The following PKD1L3 variants were observed in gnomAD, a reference collection of about 807,000 sequenced individuals.
PKD1L3 encodes polycystin 1 like 3, transient receptor potential channel interacting, also known as polycystin-1-like protein 3.
In PKD1L3, 239 loss-of-function variants were observed where a neutral mutation model predicts 184.1. The ratio of observed to expected loss-of-function variants is 1.30; its 90% confidence interval spans 1.17 to 1.45. The LOEUF is 1.45. Ranked by LOEUF, PKD1L3 falls within the 40% of genes most tolerant of loss-of-function variation. PKD1L3 has a pLI of 0.00. For missense variants in PKD1L3, 2,660 were observed against 2,067.2 expected (o/e 1.29, Z -5.56); for synonymous variants, 996 against 778.8 (o/e 1.28, Z -4.64).
In PKD1L3 at chr16:71,930,183, C is replaced by G; in HGVS notation, c.4927G>C (p.Val1643Leu). The G allele has an allele frequency of 6.5e-7, 1 of 1,538,734 alleles. No individual in the cohort carries two copies. Among genetic ancestry groups the G allele is most frequent in the Admixed American group, 2.1e-5 (1 of 46,848 alleles). Residue 1643 changes from valine to leucine, a missense_variant and splice_region_variant, in exon 29 of 30, where the codon GTT (valine) becomes CTT (leucine). By Grantham distance (32) the Val-to-Leu change is conservative (BLOSUM62 1). Coordinates refer to ENST00000620267, the MANE Select transcript of PKD1L3 (RefSeq NM_181536.2). ...LLMGISHQEE[V>L]FALDPVLGTF... is the part of the protein sequence containing the mutation. ...CCCAGGACTGGGTCTAAAGCGAAAA[C>G]CTGGGAAAACAATAAGAACACTTGC...
intron 25 of PKD1L3, among the ~76,000 whole-genome samples, chr16:71,936,333 G>C (rs2038175131): frequency 6.6e-6 from 1 of 150,704 alleles, no homozygotes. Flanking sequence ...CTCCCGAGTA[G>C]CTGGGACTAT....
chr16:71,948,976 A>G (rs1396552643), intron 21 of PKD1L3, among the ~76,000 whole-genome samples: 2 of 152,032 alleles, frequency 1.3e-5, no homozygotes, highest in African/African-American at 4.8e-5. Context: ...TATCTAAAAG[A>G]TACAGAACAG....
intron 28 of PKD1L3, among the ~76,000 whole-genome samples, chr16:71,932,503 TCA>T (rs1376744074): frequency 3.9e-5 from 6 of 152,092 alleles, no homozygotes; most frequent in African/African-American, 1.4e-4. Context: ...TGAGACAGTT[TCA>T]CTGTCTTGCC....
intron 22 of PKD1L3, among the ~76,000 whole-genome samples, chr16:71,945,634 T>C (rs569980566): frequency 2.0e-5 from 3 of 151,658 alleles, no homozygotes; most frequent in Non-Finnish European, 2.9e-5. Flanking sequence ...GCCGAGATTG[T>C]GCCACTGCAC....
chr16:71,991,185 C>T, intron 3 of PKD1L3: 1 of 206,230 alleles, frequency 4.8e-6, no homozygotes, highest in South Asian at 9.2e-5. Flanking sequence ...CCAGTGTCTC[C>T]TCTTGGAGTT....
At chr16:71,936,522 T>C (rs111505494) in intron 25 of PKD1L3, among the ~76,000 whole-genome samples, 20,136 of 144,880 alleles carry the variant, frequency 0.14, 1,685 homozygotes, top group South Asian at 0.38. Context: ...TTTTTTTCTT[T>C]TTTTTTTTTT....
At chr16:71,934,269 G>C (rs2143129013) in intron 26 of PKD1L3, 144 bp from the exon 27 acceptor site, 1 of 724,018 alleles carries the variant, frequency 1.4e-6, no homozygotes, top group East Asian at 2.7e-5. Flanking sequence ...TTCTATTGTG[G>C]CCTCCTGTGA....
At chr16:71,933,580 G>A in intron 27 of PKD1L3, 59 bp from the exon 28 acceptor site, 1 of 1,269,854 alleles carries the variant, frequency 7.9e-7, no homozygotes, top group Non-Finnish European at 1.1e-6. Flanking sequence ...TCTATCCTGA[G>A]GTGCTTGGGG....
At chr16:71,979,462 A>AAAAC (rs1419606789) in intron 9 of PKD1L3, among the ~76,000 whole-genome samples, 1 of 144,834 alleles carries the variant, frequency 6.9e-6, no homozygotes, top group Non-Finnish European at 1.5e-5. Context: ...AAAACAAAAC[A>AAAAC]AAACAAGACA....
At chr16:71,932,805 T>TA (rs1555512581) in intron 28 of PKD1L3, among the ~76,000 whole-genome samples, 14 of 119,802 alleles carry the variant, frequency 1.2e-4, no homozygotes, top group African/African-American at 1.9e-4. Flanking sequence ...TTTTTTTTTT[T>TA]AATTTAAATA....
intron 12 of PKD1L3, 34 bp downstream of exon 12, chr16:71,973,290 G>A: frequency 3.2e-6 from 5 of 1,544,466 alleles, no homozygotes; most frequent in Non-Finnish European, 4.4e-6. Context: ...AGCTATGGCA[G>A]AAGAGAGGCC....
Position 71,976,264 on chromosome 16 carries a change from CTTTTT to C in PKD1L3, c.1759+967_1759+971del, listed in dbSNP as rs71153688. On this transcript the variant is annotated intron_variant, in intron 11 of 29. Coordinates refer to ENST00000620267, the MANE Select transcript of PKD1L3 (RefSeq NM_181536.2). The stretch of plus-strand genomic sequence containing the variant: ...ATGAGCCACTGAGTGCCCAGCCTGT[CTTTTT>C]TTTTTTTTTTTAAGACAGTCTTGCT... Among the ~76,000 whole-genome samples the C allele has an allele frequency of 6.1e-5, 5 of 81,768 alleles. No individual in the cohort carries two copies. The South Asian group carries it at 2.8e-3, about 45-fold the overall frequency. 53.6% of individuals were successfully genotyped at this position (81,768 alleles called of 152,430 possible). A position where few individuals can be genotyped will look rare whatever the true frequency, so the allele number is the denominator to read the frequency against.
rs551127958 is a variant in PKD1L3, at chr16:71,966,638, C to T, written c.2465+499G>A. ...GTAGAGGTGGGGTCTTCCTATGTAG[C>T]TCAGGCTGTTCTCAAACTCCTGGCC... On this transcript the variant is annotated intron_variant, in intron 15 of 29. Coordinates refer to ENST00000620267, the MANE Select transcript of PKD1L3 (RefSeq NM_181536.2). 1.6e-3 allele frequency among the ~76,000 whole-genome samples: 243 copies of T among 151,998 alleles called. 1 individual carries two copies. The highest frequency in any genetic ancestry group is 6.8e-3 in the Middle Eastern group (2 of 294).
chr16:71,959,569 G>C (rs8051202), intron 16 of PKD1L3, among the ~76,000 whole-genome samples: 8,019 of 152,200 alleles, frequency 0.053, 673 homozygotes, highest in African/African-American at 0.18. Context: ...TAACACTAGA[G>C]AGTAATTTAA....
At position 71,944,172 on chromosome 16, in the gene PKD1L3, T is replaced by C. The variant is rs751508217; in HGVS notation, c.3719-2A>G. The C allele has an allele frequency of 2.6e-6, 4 of 1,547,740 alleles. No homozygotes were observed. Among genetic ancestry groups the C allele is most frequent in the Non-Finnish European group, 3.5e-6 (4 of 1,144,808 alleles). On this transcript the variant is annotated splice_acceptor_variant, in intron 22 of 29. Transcript: ENST00000620267. LOFTEE classifies it high-confidence loss of function. ...CTGGTACTGACGAAGAACATTTTGC[T>C]GTCAAAAATTCAAATATAGACCAAA...
chr16:71,983,994 CCT>C, intron 6 of PKD1L3, 40 bp downstream of exon 6: 1 of 1,545,316 alleles, frequency 6.5e-7, no homozygotes, highest in African/African-American at 1.4e-5. Context: ...TCCGCTTTTC[CCT>C]CTCTCCTACC....
intron 2 of PKD1L3, 107 bp downstream of exon 2, chr16:71,998,165 T>C (rs1180035791): frequency 1.4e-6 from 2 of 1,417,804 alleles, no homozygotes; most frequent in Non-Finnish European, 1.9e-6. Context: ...TATCATCCCA[T>C]GGTCTAACAC....
chr16:71,990,255 G>A (rs1393054014), intron 4 of PKD1L3, 25 bp downstream of exon 4: 14 of 1,514,632 alleles, frequency 9.2e-6, no homozygotes, highest in African/African-American at 6.9e-5. Context: ...ATTTCACAAT[G>A]TATGTTGTCA....
At chr16:71,947,334 C>A (rs151266833) in intron 22 of PKD1L3, among the ~76,000 whole-genome samples, 158 bp downstream of exon 22, 177 of 152,194 alleles carry the variant, frequency 1.2e-3, no homozygotes, top group African/African-American at 3.9e-3. Context: ...AGGTGAAGAT[C>A]CTCATCTGGA....
Sources: gnomAD v4.1 joint callset for allele counts (sites outside exome capture counted in the v4.1 genomes callset) on GRCh38, gnomAD v4.1.1 for gene constraint, MANE v1.5 for transcripts, NCBI Gene and HGNC (gene_info 2026-07-23, HGNC 2026-07-21) for gene names.